The following STARD8 variants were observed in gnomAD, a reference collection of about 807,000 sequenced individuals.
STARD8 encodes stAR-related lipid transfer protein 8.
STARD8 carries 25 observed loss-of-function variants against 69.4 expected under a neutral mutation model. That is an observed-to-expected ratio of 0.36 (90% CI 0.26 to 0.50). STARD8 has a LOEUF of 0.50. Ranked by LOEUF, STARD8 falls within the 20% of genes least tolerant of loss-of-function variation. The pLI is 0.96. For synonymous variants in STARD8, 389 were observed against 374.6 expected (o/e 1.04, Z -0.45); for missense variants, 921 against 932.5 (o/e 0.99, Z 0.16).
At chrX:68,722,237 C>A in intron 11 of STARD8, 76 bp downstream of exon 11, 1 of 965,214 alleles carries the variant, frequency 1.0e-6, no homozygotes, top group Non-Finnish European at 1.4e-6. Flanking sequence ...TGCCCCAAGT[C>A]AGGGATAGGA....
intron 3 of STARD8, among the ~76,000 whole-genome samples, chrX:68,714,946 G>A (rs1039234360): frequency 9.0e-6 from 1 of 111,457 alleles, no homozygotes; most frequent in African/African-American, 3.3e-5. Context: ...TTCACCTTGG[G>A]CCAAGGAGAA....
chrX:68,721,930 T>C (rs1255748390), intron 10 of STARD8, 117 bp from the exon 11 acceptor site: 1 of 807,839 alleles, frequency 1.2e-6, no homozygotes, highest in African/African-American at 2.1e-5. Flanking sequence ...AGGCAGCAGG[T>C]TGTTTTGTGG....
chrX:68,672,930 G>A (rs753229432), intron 2 of STARD8, among the ~76,000 whole-genome samples: 3 of 111,841 alleles, frequency 2.7e-5, no homozygotes, highest in Non-Finnish European at 5.6e-5. Flanking sequence ...CCCTGGAGCA[G>A]GATATTTCAG....
In STARD8 at chrX:68,724,446, C is replaced by G. The variant is rs781009701; in HGVS notation, c.*24C>G. ...GAGCCTTGGGCTGGTCCCAGGGTGG[C>G]ACCACCCAGGCCCCCTGGGCACCAA... On this transcript the variant is annotated 3_prime_UTR_variant, in exon 15 of 15. Transcript: ENST00000374599. 15 of 1,153,678 alleles carry G rather than the reference C, an allele frequency of 1.3e-5. No homozygotes were observed. Among genetic ancestry groups the G allele is most frequent in the Admixed American group, 1.1e-4 (5 of 43,882 alleles).
intron 2 of STARD8, among the ~76,000 whole-genome samples, chrX:68,668,720 C>T (rs2079709811): frequency 9.0e-6 from 1 of 111,297 alleles, no homozygotes; most frequent in African/African-American, 3.3e-5. Flanking sequence ...TATCACAGTC[C>T]AAGAAGCCAC....
Position 68,718,135 on chromosome X carries a change from G to A in STARD8, c.1221G>A (p.Arg407=). The change falls in exon 6 of 15, where the codon CGG becomes CGA. Residue 407 remains arginine, a synonymous_variant. Transcript: ENST00000374599. ...GLQQRVELWS[R]AMYPDLGPGD... ...AGCAACGAGTAGAGCTGTGGTCTCG[G>A]GCCATGTACCCAGACCTGGGGCCTG... is the stretch of plus-strand genomic sequence containing the variant. 1 of 1,211,803 alleles carries A rather than the reference G, an allele frequency of 8.3e-7. No individual in the cohort carries two copies. Among genetic ancestry groups the A allele is most frequent in the Non-Finnish European group, 1.1e-6 (1 of 895,503 alleles).
intron 2 of STARD8, among the ~76,000 whole-genome samples, chrX:68,692,759 T>C (rs1000566464): frequency 1.8e-5 from 2 of 112,690 alleles, no homozygotes; most frequent in Admixed American, 9.3e-5. Context: ...CTCAGGAAGT[T>C]GAGGCAGGAG....
intron 2 of STARD8, among the ~76,000 whole-genome samples, chrX:68,671,207 C>G (rs1004687585): frequency 8.9e-6 from 1 of 112,579 alleles, no homozygotes; most frequent in African/African-American, 3.2e-5. Context: ...CACCTCGTTC[C>G]TATATTTCTG....
intron 1 of STARD8, among the ~76,000 whole-genome samples, chrX:68,651,996 C>G (rs1235424043): frequency 9.3e-6 from 1 of 107,669 alleles, no homozygotes; most frequent in African/African-American, 3.4e-5. Context: ...TACAGGCGCC[C>G]GCCACCACGC....
intron 2 of STARD8, among the ~76,000 whole-genome samples, chrX:68,680,052 C>G (rs757921888): frequency 8.9e-6 from 1 of 112,107 alleles, no homozygotes; most frequent in Admixed American, 9.4e-5. Context: ...ACTTTTGTCT[C>G]TAGGACTTTG....
At chrX:68,723,520 A>T in intron 12 of STARD8, 106 bp from the exon 13 acceptor site, 1 of 686,496 alleles carries the variant, frequency 1.5e-6, no homozygotes, top group Non-Finnish European at 2.1e-6. Context: ...TCTGCAGCCT[A>T]CCCTATTAAG....
intron 2 of STARD8, among the ~76,000 whole-genome samples, chrX:68,683,962 G>A (rs993393676): frequency 1.3e-4 from 15 of 112,369 alleles, no homozygotes; most frequent in African/African-American, 4.9e-4. Flanking sequence ...TACCTTTGCT[G>A]CTTCTGAGTT....
At chrX:68,720,456 G>A (rs774770594) in intron 8 of STARD8, 33 bp downstream of exon 8, 1 of 1,132,259 alleles carries the variant, frequency 8.8e-7, no homozygotes, top group Non-Finnish European at 1.2e-6. Flanking sequence ...GCCGGGAGAT[G>A]GTGCAGGGGT....
intron 1 of STARD8, among the ~76,000 whole-genome samples, chrX:68,653,084 A>C (rs1602534970): frequency 2.5e-4 from 4 of 15,877 alleles, no homozygotes; most frequent in Non-Finnish European, 3.2e-4. Context: ...CACACACCAC[A>C]CCACACACCA....
At chrX:68,683,886 A>C (rs892157689) in intron 2 of STARD8, among the ~76,000 whole-genome samples, 2 of 111,992 alleles carry the variant, frequency 1.8e-5, no homozygotes, top group Non-Finnish European at 3.8e-5. Flanking sequence ...TACCACCGTT[A>C]TATATGGGTG....
Position 68,692,357 on chromosome X carries a change from C to G in STARD8, c.80-20557C>G, listed in dbSNP as rs745431531. 2.7e-5 allele frequency among the ~76,000 whole-genome samples: 3 copies of G among 112,175 alleles called. No homozygotes were observed. The South Asian group carries it at 1.1e-3, about 42-fold the overall frequency. On this transcript the variant is annotated intron_variant, in intron 2 of 14. Coordinates refer to ENST00000374599, the MANE Select transcript of STARD8 (RefSeq NM_001142503.3). ...TTATCATTGCTCCTCTGACTCTCAT[C>G]AGGGCCAGCAGGGAAGGAATGTGGG...
intron 1 of STARD8, among the ~76,000 whole-genome samples, chrX:68,652,078 G>C (rs1000135820): frequency 9.4e-6 from 1 of 106,433 alleles, no homozygotes; most frequent in Non-Finnish European, 1.9e-5. Flanking sequence ...GGCTGGTCTC[G>C]AGCTCCTAAC....
chrX:68,685,195 A>C (rs2147895996), intron 2 of STARD8, among the ~76,000 whole-genome samples: 1 of 112,128 alleles, frequency 8.9e-6, no homozygotes, highest in South Asian at 3.8e-4. Flanking sequence ...GTACCCCTTT[A>C]TCGTTCACAA....
chrX:68,672,430 C>T (rs755673705), intron 2 of STARD8, among the ~76,000 whole-genome samples: 57 of 111,873 alleles, frequency 5.1e-4, no homozygotes, highest in African/African-American at 1.7e-3. Context: ...ATCTATAATG[C>T]GCTCCCCAGA....
Sources: gnomAD v4.1 joint callset for allele counts (sites outside exome capture counted in the v4.1 genomes callset) on GRCh38, gnomAD v4.1.1 for gene constraint, MANE v1.5 for transcripts, NCBI Gene and HGNC (gene_info 2026-07-23, HGNC 2026-07-21) for gene names.